HAO1: variants seen among roughly 807,000 people sequenced by gnomAD.
The protein encoded by HAO1 is 2-Hydroxyacid oxidase 1.
In HAO1, 34 loss-of-function variants were observed where a neutral mutation model predicts 39.7. The ratio of observed to expected loss-of-function variants is 0.86; its 90% CI spans 0.65 to 1.14. HAO1 has a LOEUF of 1.14. HAO1 is among the 50% of genes most tolerant of loss of function. HAO1 has a pLI of 0.00. For synonymous variants in HAO1, 172 were observed against 173.2 expected, an observed-to-expected ratio of 0.99 and a Z score of 0.05; for missense variants, 479 against 464.5, an observed-to-expected ratio of 1.03 and a Z score of -0.29.
intron 7 of HAO1, 46 bp from the exon 8 acceptor site, chr20:7,883,709 A>G (rs777591185): frequency 1.5e-6 from 2 of 1,292,612 alleles, no homozygotes; most frequent in South Asian, 2.4e-5. Flanking sequence ...ATGCAATAAT[A>G]ATCAGGCAGG....
intron 2 of HAO1, among the ~76,000 whole-genome samples, chr20:7,928,854 G>A (rs1303781657): frequency 1.3e-5 from 2 of 152,140 alleles, no homozygotes; most frequent in South Asian, 4.1e-4. Context: ...GTGTTTTAGG[G>A]AATTTTGATT....
intron 3 of HAO1, among the ~76,000 whole-genome samples, chr20:7,911,487 C>T (rs969835569): frequency 2.6e-5 from 4 of 152,154 alleles, no homozygotes; most frequent in African/African-American, 9.7e-5. Flanking sequence ...AGTTCCTGCC[C>T]CAAAGCCTCA....
chr20:7,910,829 GC>G (rs1479484577), intron 3 of HAO1, among the ~76,000 whole-genome samples: 1 of 152,030 alleles, frequency 6.6e-6, no homozygotes, highest in African/African-American at 2.4e-5. Context: ...AATTTAAGAG[GC>G]TATTGTGCCA....
intron 2 of HAO1, among the ~76,000 whole-genome samples, chr20:7,916,909 A>G (rs1229380814): frequency 1.3e-5 from 2 of 152,222 alleles, no homozygotes; most frequent in Non-Finnish European, 2.9e-5. Flanking sequence ...AAATGAACAT[A>G]TAGACCATTG....
intron 5 of HAO1, among the ~76,000 whole-genome samples, chr20:7,891,152 A>G (rs1488931707): frequency 6.6e-6 from 1 of 152,184 alleles, no homozygotes; most frequent in Non-Finnish European, 1.5e-5. Context: ...GTACTAGTTT[A>G]CATTCCTACC....
chr20:7,890,205 G>A (rs1309091776), intron 5 of HAO1, among the ~76,000 whole-genome samples: 2 of 150,752 alleles, frequency 1.3e-5, no homozygotes, highest in Non-Finnish European at 3.0e-5. Context: ...GTTATGGTTT[G>A]TTTTTTTTTG....
chr20:7,898,985 G>T (rs2050209593), intron 4 of HAO1, among the ~76,000 whole-genome samples: 1 of 151,416 alleles, frequency 6.6e-6, no homozygotes, highest in African/African-American at 2.4e-5. Context: ...CATAGACAAT[G>T]GTATTTTTTC....
chr20:7,914,518 T>G, intron 2 of HAO1, 99 bp from the exon 3 acceptor site: 1 of 1,307,898 alleles, frequency 7.6e-7, no homozygotes, highest in Non-Finnish European at 1.1e-6. Context: ...AGAAGGGCAA[T>G]TTGGCAATAT....
In HAO1 at chr20:7,932,257, C is replaced by T. The variant is rs565562019; in HGVS notation, c.289+2227G>A. 5.1e-4 allele frequency among the ~76,000 whole-genome samples: 77 copies of T among 152,248 alleles called. 1 individual carries two copies. The highest frequency in any genetic ancestry group is 1.6e-3 in the African/African-American group (67 of 41,534). Reference sequence around the variant, plus strand: ...ACTGTGAGTCAGTTAAACCTCTTTCCTTAATAAATTACCCAGTCTCGAAGA... The same window carrying T: ...ACTGTGAGTCAGTTAAACCTCTTTCTTTAATAAATTACCCAGTCTCGAAGA... On this transcript the variant is annotated intron_variant, in intron 2 of 7. Coordinates refer to ENST00000378789, the MANE Select transcript of HAO1 (RefSeq NM_017545.3).
chr20:7,890,812 C>T (rs999924931), intron 5 of HAO1, among the ~76,000 whole-genome samples: 4 of 152,118 alleles, frequency 2.6e-5, no homozygotes, highest in South Asian at 2.1e-4. Flanking sequence ...GTTTTCCATT[C>T]CTGAGTTACT....
intron 3 of HAO1, among the ~76,000 whole-genome samples, chr20:7,908,501 C>A (rs1382975095): frequency 6.6e-6 from 1 of 151,846 alleles, no homozygotes; most frequent in African/African-American, 2.4e-5. Context: ...TGATTTTTTA[C>A]ACTTTAGAGT....
intron 5 of HAO1, among the ~76,000 whole-genome samples, chr20:7,893,192 C>T (rs2050182004): frequency 6.6e-6 from 1 of 152,146 alleles, no homozygotes; most frequent in African/African-American, 2.4e-5. Context: ...CTGAAACCGC[C>T]TTTGCAAAAA....
intron 5 of HAO1, among the ~76,000 whole-genome samples, chr20:7,892,782 T>C (rs2050180167): frequency 6.6e-6 from 1 of 152,134 alleles, no homozygotes; most frequent in Non-Finnish European, 1.5e-5. Flanking sequence ...ATAGTAAATA[T>C]ATATATATGA....
At chr20:7,939,970 G>C (rs1424328316) in intron 1 of HAO1, among the ~76,000 whole-genome samples, 4 of 152,150 alleles carry the variant, frequency 2.6e-5, no homozygotes, top group Admixed American at 6.5e-5. Flanking sequence ...AGCATTTACT[G>C]TCATACTAAG....
chr20:7,925,878 AT>A (rs1183142216), intron 2 of HAO1, among the ~76,000 whole-genome samples: 1 of 152,140 alleles, frequency 6.6e-6, no homozygotes, highest in Non-Finnish European at 1.5e-5. Context: ...CTAGATTCTA[AT>A]TTTTTAATAG....
At chr20:7,940,137 T>G (rs2122807854) in intron 1 of HAO1, 149 bp downstream of exon 1, 1 of 551,380 alleles carries the variant, frequency 1.8e-6, no homozygotes, top group East Asian at 3.2e-5. Context: ...AGGCCCAAGA[T>G]TTCTTACAGC....
At chr20:7,901,752 G>C (rs777241526) in intron 4 of HAO1, among the ~76,000 whole-genome samples, 1 of 152,122 alleles carries the variant, frequency 6.6e-6, no homozygotes, top group Non-Finnish European at 1.5e-5. Flanking sequence ...TGATTTCTCT[G>C]ATGAATAAGA....
chr20:7,936,177 T>C (rs1341283460), intron 1 of HAO1, among the ~76,000 whole-genome samples: 3 of 152,158 alleles, frequency 2.0e-5, no homozygotes, highest in African/African-American at 7.2e-5. Context: ...TAAAGAAGTT[T>C]TACTGTGTGA....
Position 7,883,500 on chromosome 20 carries a change from AT to A in HAO1, c.*92del. 1.1e-6 allele frequency: 1 copy of A among 896,412 alleles called. No individual in the cohort carries two copies. Among genetic ancestry groups the A allele is most frequent in the Non-Finnish European group, 1.9e-6 (1 of 527,966 alleles). 55.5% of individuals were successfully genotyped at this position (896,412 alleles called of 1,614,324 possible). A position where few individuals can be genotyped will look rare whatever the true frequency, so the allele number is the denominator to read the frequency against. On this transcript the variant is annotated 3_prime_UTR_variant, in exon 8 of 8. Transcript: ENST00000378789. ...GACACCCTTTGTATTGAAGTGGGGAATTACAGACTGTGGTCACCCTCTGCAC... is the reference window on the plus strand; with the variant it reads ...GACACCCTTTGTATTGAAGTGGGGAATACAGACTGTGGTCACCCTCTGCAC...
Sources: allele counts gnomAD v4.1 joint callset (sites outside exome capture counted in the v4.1 genomes callset), GRCh38; gene constraint gnomAD v4.1.1; transcripts MANE v1.5; gene names NCBI Gene and HGNC (gene_info 2026-07-23, HGNC 2026-07-21).